NPFFR2: variants seen among roughly 807,000 people sequenced by gnomAD.
The protein encoded by NPFFR2 is neuropeptide FF receptor 2.
In NPFFR2, 15 loss-of-function variants were observed where a neutral mutation model predicts 13.1. The observed-to-expected ratio is 1.15, with a 90% confidence interval of 0.77 to 1.76. NPFFR2 has a LOEUF of 1.76. Ranked by LOEUF, NPFFR2 falls within the 40% of genes most tolerant of loss-of-function variation. The pLI is 0.00. For synonymous variants in NPFFR2, 190 were observed against 175.7 expected, an observed-to-expected ratio of 1.08 and a Z score of -0.65; for missense variants, 572 against 503.5, an observed-to-expected ratio of 1.14 and a Z score of -1.30.
chr4:72,127,078 A>G (rs988097514), intron 1 of NPFFR2, among the ~76,000 whole-genome samples: 2 of 151,714 alleles, frequency 1.3e-5, no homozygotes, highest in East Asian at 4.0e-4. Flanking sequence ...TGAGGCAGGC[A>G]GATCACGAGG....
At chr4:72,041,299 G>C (rs577442640) in intron 1 of NPFFR2, among the ~76,000 whole-genome samples, 1 of 152,176 alleles carries the variant, frequency 6.6e-6, no homozygotes, top group Non-Finnish European at 1.5e-5. Context: ...GCCTCCAGCC[G>C]TATCCATGTT....
intron 1 of NPFFR2, among the ~76,000 whole-genome samples, chr4:72,098,038 G>A (rs1721120764): frequency 1.3e-5 from 2 of 152,022 alleles, no homozygotes; most frequent in Admixed American, 1.3e-4. Flanking sequence ...TTGCTTTTTA[G>A]ATTGAAAGTT....
intron 1 of NPFFR2, among the ~76,000 whole-genome samples, chr4:72,113,732 C>T (rs1430682141): frequency 1.3e-5 from 2 of 152,112 alleles, no homozygotes; most frequent in Non-Finnish European, 2.9e-5. Flanking sequence ...GAGGCTCAGA[C>T]AGCCCTGGGG....
chr4:72,033,545 A>G (rs920062673), intron 1 of NPFFR2, among the ~76,000 whole-genome samples: 2 of 152,068 alleles, frequency 1.3e-5, no homozygotes, highest in Admixed American at 1.3e-4. Context: ...AAATCCATAC[A>G]CCCCAATAAG....
rs145038184 is a variant in NPFFR2 at position 72,147,518 on chromosome 4, C to A, written c.969C>A (p.Phe323Leu). ...ACCCTTTTGCACACTGGCTGGCATT[C>A]GGCAACAGCAGTGTCAATCCCATCA... is the stretch of plus-strand genomic sequence containing the variant. ...YIYPFAHWLAFGNSSVNPIIY... is the reference protein window; with the variant it reads ...YIYPFAHWLALGNSSVNPIIY... The change falls in exon 4 of 4, where the codon TTC becomes TTA. Residue 323 changes from phenylalanine (F) to leucine (L), a missense_variant. Coordinates refer to ENST00000308744, the MANE Select transcript of NPFFR2 (RefSeq NM_004885.3). The A allele has an allele frequency of 9.6e-5, 155 of 1,614,176 alleles. 2 individuals are homozygous for A. The East Asian group carries it at 1.3e-3, about 14-fold the overall frequency.
intron 1 of NPFFR2, among the ~76,000 whole-genome samples, chr4:72,091,797 T>C (rs1449922556): frequency 6.6e-6 from 1 of 152,092 alleles, no homozygotes; most frequent in African/African-American, 2.4e-5. Flanking sequence ...GTTTGTTTCA[T>C]TTATGTTTTG....
intron 1 of NPFFR2, among the ~76,000 whole-genome samples, chr4:72,038,446 T>G (rs1164890769): frequency 6.6e-6 from 1 of 152,210 alleles, no homozygotes. Context: ...AAATTTTACT[T>G]CCATTTCCCT....
chr4:72,126,940 A>G (rs190783578), intron 1 of NPFFR2, among the ~76,000 whole-genome samples: 729 of 152,232 alleles, frequency 4.8e-3, no homozygotes, highest in Middle Eastern at 0.014. Context: ...AATGCATTAT[A>G]TGCTGGGTCC....
At chr4:72,144,598 GC>G (rs1244097395) in intron 3 of NPFFR2, among the ~76,000 whole-genome samples, 10 of 152,058 alleles carry the variant, frequency 6.6e-5, no homozygotes, top group African/African-American at 2.2e-4. Context: ...ACGTTCCAAA[GC>G]ACCTACTGTA....
chr4:72,053,315 G>T (rs1295289778), intron 1 of NPFFR2, among the ~76,000 whole-genome samples: 1 of 151,770 alleles, frequency 6.6e-6, no homozygotes, highest in African/African-American at 2.4e-5. Flanking sequence ...AAGTGAATCT[G>T]GGGGAAAGAA....
At chr4:72,043,300 A>T (rs751151502) in intron 1 of NPFFR2, among the ~76,000 whole-genome samples, 1 of 152,202 alleles carries the variant, frequency 6.6e-6, no homozygotes, top group Non-Finnish European at 1.5e-5. Flanking sequence ...CAGAAGGGAA[A>T]TGTGGGGTTG....
intron 1 of NPFFR2, among the ~76,000 whole-genome samples, chr4:72,067,585 T>A (rs1464177263): frequency 6.6e-6 from 1 of 151,014 alleles, no homozygotes; most frequent in Non-Finnish European, 1.5e-5. Context: ...TTTTCAAATC[T>A]TTATATTTTA....
At chr4:72,075,294 T>C (rs1332983274) in intron 1 of NPFFR2, among the ~76,000 whole-genome samples, 3 of 152,156 alleles carry the variant, frequency 2.0e-5, no homozygotes, top group Non-Finnish European at 4.4e-5. Flanking sequence ...CTCTCCTTGC[T>C]GTTCAGCCTG....
chr4:72,106,905 A>T (rs1366134048), intron 1 of NPFFR2, among the ~76,000 whole-genome samples: 4 of 151,998 alleles, frequency 2.6e-5, no homozygotes, highest in Non-Finnish European at 5.9e-5. Flanking sequence ...TATTAGACTT[A>T]AAAGGTTAGC....
chr4:72,066,531 G>A (rs1313737025), intron 1 of NPFFR2, among the ~76,000 whole-genome samples: 3 of 152,138 alleles, frequency 2.0e-5, no homozygotes, highest in East Asian at 3.9e-4. Context: ...ATGCAAAGGT[G>A]TATATCATCT....
intron 1 of NPFFR2, among the ~76,000 whole-genome samples, chr4:72,057,835 G>C (rs4485795): frequency 0.96 from 146,036 of 152,036 alleles, 70,426 homozygotes; most frequent in East Asian, 1. Context: ...TAGTACAAAT[G>C]TATATTGCAT....
chr4:72,032,904 A>G (rs1718962370), intron 1 of NPFFR2, among the ~76,000 whole-genome samples: 3 of 152,196 alleles, frequency 2.0e-5, no homozygotes, highest in African/African-American at 7.2e-5. Flanking sequence ...ACATTTGTTC[A>G]TCTCCCATTT....
chr4:72,089,230 T>C (rs183075874), intron 1 of NPFFR2, among the ~76,000 whole-genome samples: 1 of 152,282 alleles, frequency 6.6e-6, no homozygotes, highest in African/African-American at 2.4e-5. Flanking sequence ...CAATTGTTGA[T>C]TGATGGGCAT....
chr4:72,100,619 A>G (rs936805538), intron 1 of NPFFR2, among the ~76,000 whole-genome samples: 1 of 152,074 alleles, frequency 6.6e-6, no homozygotes, highest in African/African-American at 2.4e-5. Context: ...TATCAGAGCA[A>G]CTTCAAACTA....
Sources: allele counts gnomAD v4.1 joint callset (sites outside exome capture counted in the v4.1 genomes callset), GRCh38; gene constraint gnomAD v4.1.1; transcripts MANE v1.5; gene names NCBI Gene and HGNC (gene_info 2026-07-23, HGNC 2026-07-21).